Variants in MYO18B observed in about 807,000 individuals in gnomAD.
MYO18B encodes the protein myosin XVIIIB.
In MYO18B, 204 loss-of-function variants were observed where a neutral mutation model predicts 273.0. The observed-to-expected ratio is 0.75, with a 90% CI of 0.67 to 0.84. The LOEUF (loss-of-function observed/expected upper bound fraction) is 0.84, where lower values mean the gene tolerates loss of function less well. Ranked by LOEUF, MYO18B falls within the 40% of genes least tolerant of loss-of-function variation. MYO18B has a pLI of 0.00. For missense variants in MYO18B, 3,212 were observed against 3,287.6 expected, an observed-to-expected ratio of 0.98 and a Z score of 0.56; for synonymous variants, 1,330 against 1,305.7, an observed-to-expected ratio of 1.02 and a Z score of -0.40.
At chr22:25,755,927 C>G (rs917032233) in intron 1 of MYO18B, among the ~76,000 whole-genome samples, 2 of 151,876 alleles carry the variant, frequency 1.3e-5, no homozygotes, top group Admixed American at 1.3e-4. Flanking sequence ...TCTTTCCCCC[C>G]ACCCCCGTTG....
At chr22:25,836,582 A>G (rs2089907420) in intron 17 of MYO18B, among the ~76,000 whole-genome samples, 1 of 152,170 alleles carries the variant, frequency 6.6e-6, no homozygotes, top group Non-Finnish European at 1.5e-5. Context: ...GGTCACCCAG[A>G]GGAGAGAAGG....
rs1461597529 is a variant in MYO18B at position 26,004,777 on chromosome 22, G to A, written c.6392G>A (p.Cys2131Tyr). 12 of 1,613,796 alleles carry A rather than the reference G, an allele frequency of 7.4e-6. No homozygotes were observed. Among genetic ancestry groups the A allele is most frequent in the South Asian group, 1.1e-5 (1 of 91,072 alleles). The change falls in exon 42 of 44, where the codon TGT (cysteine) becomes TAT (tyrosine). Residue 2131 changes from cysteine to tyrosine, a missense_variant. Physicochemically the swap from Cys to Tyr is radical, Grantham distance 194. Coordinates refer to ENST00000335473, the MANE Select transcript of MYO18B (RefSeq NM_032608.7). ...GGCAGCCTGCAGTCCTGGTTGAGCT[G>A]TACTCTGTCCCTGGCCACAGATACT... ...PEGSLQSWLS[C>Y]TLSLATDTMR...
chr22:25,957,890 A>G (rs563675545), intron 39 of MYO18B, among the ~76,000 whole-genome samples: 52 of 149,876 alleles, frequency 3.5e-4, no homozygotes, highest in Admixed American at 2.2e-3. Flanking sequence ...CCTCACCTTA[A>G]TCATATCTAC....
At chr22:25,787,757 T>C (rs1349505597) in intron 11 of MYO18B, among the ~76,000 whole-genome samples, 1 of 152,086 alleles carries the variant, frequency 6.6e-6, no homozygotes, top group Non-Finnish European at 1.5e-5. Flanking sequence ...GCTTCTTTAC[T>C]TGGGGGACTC....
At chr22:25,862,746 T>C (rs1046486680) in intron 21 of MYO18B, among the ~76,000 whole-genome samples, 2 of 152,146 alleles carry the variant, frequency 1.3e-5, no homozygotes, top group Admixed American at 6.5e-5. Context: ...TCTTTCTGCT[T>C]TCAAGATTTT....
At chr22:25,785,095 G>A (rs534812569) in intron 10 of MYO18B, among the ~76,000 whole-genome samples, 4 of 152,286 alleles carry the variant, frequency 2.6e-5, no homozygotes, top group Admixed American at 1.3e-4. Flanking sequence ...GTAAGGGCTC[G>A]TTCATGTTGA....
intron 42 of MYO18B, among the ~76,000 whole-genome samples, chr22:26,017,238 C>T (rs937213115): frequency 3.4e-4 from 51 of 151,518 alleles, no homozygotes; most frequent in African/African-American, 1.2e-3. Context: ...AGGACACTAT[C>T]AACTCGTAGC....
At chr22:25,823,027 T>C (rs2089342332) in intron 12 of MYO18B, among the ~76,000 whole-genome samples, 1 of 152,194 alleles carries the variant, frequency 6.6e-6, no homozygotes, top group Non-Finnish European at 1.5e-5. Context: ...AACTTTTTGC[T>C]TTCTCTTTCC....
intron 20 of MYO18B, among the ~76,000 whole-genome samples, 152 bp downstream of exon 20, chr22:25,847,804 G>C (rs551417184): frequency 1.2e-4 from 18 of 152,256 alleles, no homozygotes; most frequent in Non-Finnish European, 1.6e-4. Context: ...CTGAGATGAG[G>C]CCACTGATGC....
intron 21 of MYO18B, among the ~76,000 whole-genome samples, chr22:25,867,821 C>T (rs778481121): frequency 1.1e-4 from 17 of 152,032 alleles, no homozygotes; most frequent in Non-Finnish European, 2.1e-4. Context: ...TCAGTAGAGA[C>T]GGGGCTTCAC....
chr22:25,868,382 C>T lies in MYO18B; in HGVS notation c.3948C>T (p.Ser1316=), dbSNP rs945248724. ...LEKKAVAVGH[S]QVFLKAGVIS... ...AGAAGGCGGTGGCTGTGGGGCACAG[C>T]CAAGTGAGTAGAGCTGCTTTCTTAC... Residue 1316 remains serine (S), a synonymous_variant, in exon 22 of 44, where the codon AGC becomes AGT. Coordinates refer to ENST00000335473, the MANE Select transcript of MYO18B (RefSeq NM_032608.7). The T allele has an allele frequency of 2.5e-6, 4 of 1,595,116 alleles. No individual in the cohort carries two copies. Among genetic ancestry groups the T allele is most frequent in the African/African-American group, 1.3e-5 (1 of 74,724 alleles).
At chr22:25,888,807 G>A (rs994856179) in intron 25 of MYO18B, among the ~76,000 whole-genome samples, 2 of 152,264 alleles carry the variant, frequency 1.3e-5, no homozygotes, top group Middle Eastern at 3.4e-3. Context: ...TTTCTCCTCT[G>A]CGTCTATTGA....
chr22:25,956,329 G>T (rs1422832702), intron 39 of MYO18B, among the ~76,000 whole-genome samples: 1 of 151,788 alleles, frequency 6.6e-6, no homozygotes, highest in African/African-American at 2.4e-5. Flanking sequence ...GATTCTCGTG[G>T]CTCAGCTTCC....
intron 21 of MYO18B, among the ~76,000 whole-genome samples, chr22:25,867,569 G>A (rs1339740298): frequency 6.6e-6 from 1 of 152,206 alleles, no homozygotes; most frequent in Non-Finnish European, 1.5e-5. Context: ...TGGGTATTGA[G>A]TATAATGCTG....
At chr22:25,826,006 C>A (rs2089476338) in intron 13 of MYO18B, among the ~76,000 whole-genome samples, 1 of 152,200 alleles carries the variant, frequency 6.6e-6, no homozygotes, top group African/African-American at 2.4e-5. Flanking sequence ...TCAGGGCACG[C>A]CCAGCCTCAT....
intron 8 of MYO18B, among the ~76,000 whole-genome samples, chr22:25,779,396 A>C (rs1372275551): frequency 4.6e-5 from 7 of 152,206 alleles, no homozygotes; most frequent in Non-Finnish European, 1.0e-4. Context: ...TAACCAGGAA[A>C]GGGCAGATCC....
At chr22:25,758,470 GA>G (rs746499378) in intron 1 of MYO18B, among the ~76,000 whole-genome samples, 78 of 136,332 alleles carry the variant, frequency 5.7e-4, no homozygotes, top group East Asian at 1.0e-3. Flanking sequence ...GGATTAAGAA[GA>G]AAAAAAAAAA....
At chr22:25,798,321 G>A (rs1265201549) in intron 12 of MYO18B, among the ~76,000 whole-genome samples, 2 of 152,302 alleles carry the variant, frequency 1.3e-5, no homozygotes, top group African/African-American at 4.8e-5. Flanking sequence ...AGAACTTTCT[G>A]CAATGATGGA....
chr22:26,037,589 A>G, the MYO18B span, among the ~76,000 whole-genome samples: 7 of 152,184 alleles, frequency 4.6e-5, no homozygotes, highest in African/African-American at 1.7e-4. Flanking sequence ...CGGTGCTCCA[A>G]TCTGGGCCTA....
Sources: gnomAD v4.1 joint callset for allele counts (sites outside exome capture counted in the v4.1 genomes callset) on GRCh38, gnomAD v4.1.1 for gene constraint, MANE v1.5 for transcripts, NCBI Gene and HGNC (gene_info 2026-07-23, HGNC 2026-07-21) for gene names.